Variants in SAP30L observed in about 807,000 individuals in gnomAD.
SAP30L encodes the protein SAP30 like.
A neutral mutation model predicts 22.3 loss-of-function variants in SAP30L; 10 were observed. The observed-to-expected ratio is 0.45, with a 90% CI of 0.28 to 0.76. The LOEUF (loss-of-function observed/expected upper bound fraction) is 0.76, where lower values mean the gene tolerates loss of function less well. SAP30L is among the 30% of genes least tolerant of loss of function. The pLI, the probability that SAP30L is intolerant of heterozygous loss-of-function variation, is 0.14. For synonymous variants in SAP30L, 91 were observed against 94.1 expected, an observed-to-expected ratio of 0.97 and a Z score of 0.19; for missense variants, 206 against 237.9, an observed-to-expected ratio of 0.87 and a Z score of 0.88.
intron 2 of SAP30L, 176 bp downstream of exon 2, chr5:154,451,389 AC>A: frequency 1.4e-6 from 1 of 699,728 alleles, no homozygotes; most frequent in Non-Finnish European, 2.3e-6. Flanking sequence ...AAGCTTGGAC[AC>A]CCACTGGTCA....
intron 1 of SAP30L, 64 bp downstream of exon 1, chr5:154,446,869 C>A: frequency 6.9e-7 from 1 of 1,442,528 alleles, no homozygotes; most frequent in Non-Finnish European, 9.5e-7. Flanking sequence ...CTGCCCTGGG[C>A]TCCAGTCGGG....
rs560287030 is a variant in SAP30L at position 154,461,015 on chromosome 5, G to C, written c.*4987G>C. The C allele has an allele frequency of 6.6e-6, 1 of 152,190 alleles. No homozygotes were observed. The highest frequency in any genetic ancestry group is 2.4e-5 in the African/African-American group (1 of 41,434). 9.4% of individuals were successfully genotyped at this position (152,190 alleles called of 1,614,324 possible). On this transcript the variant is annotated 3_prime_UTR_variant, in exon 4 of 4. Coordinates refer to ENST00000297109, the MANE Select transcript of SAP30L (RefSeq NM_024632.6). ...GCAATATCACACGATGGGATGGCCC[G>C]ACTTTTGCTCTTAATAAATAATCTG...
At chr5:154,452,807 C>T (rs1449188112) in intron 2 of SAP30L, among the ~76,000 whole-genome samples, 1 of 152,216 alleles carries the variant, frequency 6.6e-6, no homozygotes, top group Non-Finnish European at 1.5e-5. Flanking sequence ...TCCAGGATGT[C>T]TCTGGTTTTT....
In SAP30L at chr5:154,457,522, G is replaced by T. The variant is rs1757288673; in HGVS notation, c.*1494G>T. 6.6e-6 allele frequency: 1 copy of T among 152,184 alleles called. No homozygotes were observed. The highest frequency in any genetic ancestry group is 1.5e-5 in the Non-Finnish European group (1 of 68,042). The allele number at this position is 152,184 out of a possible 1,614,324, so 9.4% of individuals were successfully genotyped here. A position where few individuals can be genotyped will look rare whatever the true frequency, so the allele number is the denominator to read the frequency against. On this transcript the variant is annotated 3_prime_UTR_variant, in exon 4 of 4. Coordinates refer to ENST00000297109, the MANE Select transcript of SAP30L (RefSeq NM_024632.6). ...CTGAGCACCATCACAGAGAAGTCAG[G>T]ACTAAACCCCCTACTGAGCAGGGCG...
In SAP30L at chr5:154,446,080, G is replaced by A. The variant is rs1421387750; in HGVS notation, c.-525G>A. ...GGGGCGCAGCCGAGTGGCTGCAGGG[G>A]TGGAGTGGGCCGGACGAGCCGCGGG... is the stretch of plus-strand genomic sequence containing the variant. On this transcript the variant is annotated 5_prime_UTR_variant, in exon 1 of 4. It adds an upstream start codon to the 5' untranslated region. Transcript: ENST00000297109. 1 of 151,754 alleles carries A rather than the reference G, an allele frequency of 6.6e-6. No individual in the cohort carries two copies. Among genetic ancestry groups the A allele is most frequent in the Non-Finnish European group, 1.5e-5 (1 of 67,998 alleles). The allele number at this position is 151,754 out of a possible 1,614,324, so 9.4% of individuals were successfully genotyped here. A position where few individuals can be genotyped will look rare whatever the true frequency, so the allele number is the denominator to read the frequency against.
At chr5:154,452,579 A>G in intron 2 of SAP30L, 1 of 674,332 alleles carries the variant, frequency 1.5e-6, no homozygotes. Context: ...AGAAACAAAA[A>G]GGGGGGGTCC....
intron 1 of SAP30L, among the ~76,000 whole-genome samples, chr5:154,447,215 CAG>C (rs1400402682): frequency 6.6e-6 from 1 of 152,224 alleles, no homozygotes; most frequent in Non-Finnish European, 1.5e-5. Context: ...TTCCTTCAGA[CAG>C]AGAAAGGTGG....
chr5:154,447,243 C>T (rs1478344159), intron 1 of SAP30L, among the ~76,000 whole-genome samples: 2 of 152,248 alleles, frequency 1.3e-5, no homozygotes, highest in Non-Finnish European at 2.9e-5. Flanking sequence ...ACTTCCCTGG[C>T]TCCCGCATCC....
chr5:154,453,413 C>T lies in SAP30L; in HGVS notation c.336C>T (p.Phe112=), dbSNP rs1358325700. ...HDTDIPEVDL[F]QLQVNTLRRY... ...CCTCTTCTCCCTAGGTTGATCTGTT[C>T]CAGCTGCAGGTGAACACCCTACGAC... Residue 112 remains phenylalanine (F), a synonymous_variant, in exon 3 of 4, where the codon TTC becomes TTT. Transcript: ENST00000297109. 3.7e-6 allele frequency: 6 copies of T among 1,613,766 alleles called. No individual in the cohort carries two copies. In the South Asian group the frequency reaches 5.5e-5, roughly 15 times the overall value.
At chr5:154,451,546 A>C (rs1159421393) in intron 2 of SAP30L, among the ~76,000 whole-genome samples, 1 of 87,974 alleles carries the variant, frequency 1.1e-5, no homozygotes, top group Admixed American at 1.5e-4. Flanking sequence ...CCACAGTGTC[A>C]CTTTTTTTTA....
chr5:154,461,000 A>T lies in SAP30L; in HGVS notation c.*4972A>T, dbSNP rs1176832654. The T allele has an allele frequency of 6.6e-6, 1 of 152,228 alleles. No individual in the cohort carries two copies. Among genetic ancestry groups the T allele is most frequent in the Non-Finnish European group, 1.5e-5 (1 of 68,038 alleles). 9.4% of individuals were successfully genotyped at this position (152,228 alleles called of 1,614,324 possible). A position where few individuals can be genotyped will look rare whatever the true frequency, so the allele number is the denominator to read the frequency against. ...GTGACTTTTCATGTTGCAATATCACACGATGGGATGGCCCGACTTTTGCTC... is the reference window on the plus strand; with the variant it reads ...GTGACTTTTCATGTTGCAATATCACTCGATGGGATGGCCCGACTTTTGCTC... On this transcript the variant is annotated 3_prime_UTR_variant, in exon 4 of 4. Transcript: ENST00000297109.
rs916419432 is a variant in SAP30L, at chr5:154,455,960, A to T, written c.484A>T (p.Ile162Phe). The T allele has an allele frequency of 6.2e-7, 1 of 1,614,176 alleles. No individual in the cohort carries two copies. The highest frequency in any genetic ancestry group is 2.2e-5 in the East Asian group (1 of 44,886). ...VNEKETLAYF[I>F]YMVKSNKSRL... Reference sequence around the variant, plus strand: ...TGAAAAAGAGACCCTTGCCTACTTCATCTACATGGTGAAGAGTAACAAGAG... The same window carrying T: ...TGAAAAAGAGACCCTTGCCTACTTCTTCTACATGGTGAAGAGTAACAAGAG... The change falls in exon 4 of 4, where the codon ATC becomes TTC. Residue 162 changes from isoleucine (I) to phenylalanine (F), a missense_variant. This residue lies in a region of SAP30L where 136 missense variants were observed against 187.4 expected (regional missense o/e 0.73). Coordinates refer to ENST00000297109, the MANE Select transcript of SAP30L (RefSeq NM_024632.6).
chr5:154,451,310 T>C (rs1290222770), intron 2 of SAP30L, 97 bp downstream of exon 2: 1 of 1,302,638 alleles, frequency 7.7e-7, no homozygotes, highest in Non-Finnish European at 1.1e-6. Flanking sequence ...AAGAAGTAAT[T>C]TTAGTCCTTT....
rs1429439813 is a variant in SAP30L at position 154,456,362 on chromosome 5, A to G, written c.*334A>G. The G allele has an allele frequency of 5.5e-6, 1 of 182,332 alleles. No individual in the cohort carries two copies. Among genetic ancestry groups the G allele is most frequent in the Non-Finnish European group, 1.2e-5 (1 of 86,390 alleles). 11.3% of individuals were successfully genotyped at this position (182,332 alleles called of 1,614,324 possible). ...TAATCACCTTATCCACCAGGCTGCCACGTGTGAGCTGTAGCTTGGAATAGC... is the reference window on the plus strand; with the variant it reads ...TAATCACCTTATCCACCAGGCTGCCGCGTGTGAGCTGTAGCTTGGAATAGC... On this transcript the variant is annotated 3_prime_UTR_variant, in exon 4 of 4. Coordinates refer to ENST00000297109, the MANE Select transcript of SAP30L (RefSeq NM_024632.6).
At chr5:154,451,062 A>G (rs1360446292) in intron 1 of SAP30L, 29 bp from the exon 2 acceptor site, 2 of 1,613,686 alleles carry the variant, frequency 1.2e-6, no homozygotes, top group East Asian at 2.2e-5. Flanking sequence ...GAATTGGCCA[A>G]CTCTGACTTT....
intron 2 of SAP30L, chr5:154,452,388 TG>T: frequency 1.4e-6 from 1 of 713,080 alleles, no homozygotes; most frequent in Non-Finnish European, 1.7e-6. Context: ...AAAAAGGTTT[TG>T]AGGAATGTTT....
intron 1 of SAP30L, among the ~76,000 whole-genome samples, chr5:154,448,638 C>A (rs1420018760): frequency 1.3e-5 from 2 of 152,226 alleles, no homozygotes; most frequent in Non-Finnish European, 2.9e-5. Flanking sequence ...TTTTAGATCA[C>A]TGGATGCCTT....
intron 1 of SAP30L, among the ~76,000 whole-genome samples, chr5:154,447,969 C>CTTTTTTTTTTTTTTTT (rs140213326): frequency 3.1e-3 from 278 of 88,400 alleles, no homozygotes; most frequent in Middle Eastern, 7.9e-3. Flanking sequence ...TTTTCTTTTT[C>CTTTTTTTTTTTTTTTT]TTTTTTTTTT....
rs949984610 is a variant in SAP30L, at chr5:154,460,546, A to T, written c.*4518A>T. ...ATAGACTGTTTCCAAGTTTATGGTT[A>T]GAAATGGTAAAGTGGGTCTGGTGTT... On this transcript the variant is annotated 3_prime_UTR_variant, in exon 4 of 4. Coordinates refer to ENST00000297109, the MANE Select transcript of SAP30L (RefSeq NM_024632.6). 6.6e-6 allele frequency: 1 copy of T among 152,252 alleles called. No individual in the cohort carries two copies. The highest frequency in any genetic ancestry group is 2.4e-5 in the African/African-American group (1 of 41,464). The allele number at this position is 152,252 out of a possible 1,614,324, so 9.4% of individuals were successfully genotyped here. A position where few individuals can be genotyped will look rare whatever the true frequency, so the allele number is the denominator to read the frequency against.
Sources: allele counts gnomAD v4.1 joint callset (sites outside exome capture counted in the v4.1 genomes callset), GRCh38; gene constraint gnomAD v4.1.1; regional missense constraint gnomAD v4.1.1; transcripts MANE v1.5; gene names NCBI Gene and HGNC (gene_info 2026-07-23, HGNC 2026-07-21).